The following ADGRG6 variants were observed in gnomAD, a reference collection of about 807,000 sequenced individuals.
ADGRG6 encodes the protein G-protein coupled receptor 126.
ADGRG6 carries 84 observed loss-of-function variants against 142.4 expected under a neutral mutation model. The observed-to-expected ratio is 0.59, with a 90% CI of 0.49 to 0.71. The LOEUF is 0.71. Ranked by LOEUF, ADGRG6 falls within the 30% of genes least tolerant of loss-of-function variation. The pLI, the probability that ADGRG6 is intolerant of heterozygous loss-of-function variation, is 0.00. For missense variants in ADGRG6, 1,367 were observed against 1,466.6 expected (o/e 0.93, Z 1.11); for synonymous variants, 521 against 520.5 (o/e 1.00, Z -0.01).
Position 142,445,120 on chromosome 6 carries a change from A to G in ADGRG6, c.*1605A>G, listed in dbSNP as rs895432757. On this transcript the variant is annotated 3_prime_UTR_variant, in exon 25 of 25. Transcript: ENST00000367609. Reference sequence around the variant, plus strand: ...AGGAAGCTATTTGCCTGGCTCCAGCAGATGATGAGATAATGAGGTAGTGGG... The same window carrying G: ...AGGAAGCTATTTGCCTGGCTCCAGCGGATGATGAGATAATGAGGTAGTGGG... 1 of 152,188 alleles carries G rather than the reference A, an allele frequency of 6.6e-6. No individual in the cohort carries two copies. The highest frequency in any genetic ancestry group is 1.5e-5 in the Non-Finnish European group (1 of 68,048). 9.4% of individuals were successfully genotyped at this position (152,188 alleles called of 1,614,324 possible). A position where few individuals can be genotyped will look rare whatever the true frequency, so the allele number is the denominator to read the frequency against.
Position 142,410,200 on chromosome 6 carries a change from C to T in ADGRG6, c.2434+281C>T, listed in dbSNP as rs1027358481. ...GACATCAGTTATTTATAAAATACAGCATACAATTTTATTGCTACTTTTGAT... is the reference window on the plus strand; with the variant it reads ...GACATCAGTTATTTATAAAATACAGTATACAATTTTATTGCTACTTTTGAT... On this transcript the variant is annotated intron_variant, in intron 17 of 24. Transcript: ENST00000367609. Among the ~76,000 whole-genome samples, 6 of 152,038 alleles carry T rather than the reference C, an allele frequency of 3.9e-5. No individual in the cohort carries two copies. The East Asian group carries it at 5.8e-4, about 15-fold the overall frequency.
chr6:142,440,846 A>G, intron 24 of ADGRG6: 5 of 824,534 alleles, frequency 6.1e-6, no homozygotes, highest in South Asian at 5.0e-5. Flanking sequence ...GCATATCATC[A>G]TGGATATCTA....
Position 142,418,525 on chromosome 6 carries a change from A to G in ADGRG6, c.3035+1156A>G, listed in dbSNP as rs191929922. Among the ~76,000 whole-genome samples the G allele has an allele frequency of 4.3e-3, 654 of 152,236 alleles. 3 individuals carry two copies. Among genetic ancestry groups the G allele is most frequent in the African/African-American group, 0.015 (621 of 41,558 alleles). Reference sequence around the variant, plus strand: ...GGACAAGCAACATTATTCCAGGGACATTTATAACAACATACATTAAAAGTA... The same window carrying G: ...GGACAAGCAACATTATTCCAGGGACGTTTATAACAACATACATTAAAAGTA... On this transcript the variant is annotated intron_variant, in intron 21 of 24. Coordinates refer to ENST00000367609, the MANE Select transcript of ADGRG6 (RefSeq NM_198569.3).
chr6:142,434,700 C>A (rs1487590284), intron 22 of ADGRG6, among the ~76,000 whole-genome samples: 1 of 152,002 alleles, frequency 6.6e-6, no homozygotes, highest in Non-Finnish European at 1.5e-5. Flanking sequence ...TGGCATTTTT[C>A]TGCAAGTCAA....
At chr6:142,441,693 C>T (rs1263686344) in intron 24 of ADGRG6, among the ~76,000 whole-genome samples, 3 of 152,120 alleles carry the variant, frequency 2.0e-5, no homozygotes, top group Non-Finnish European at 4.4e-5. Context: ...ATGTGGTTTT[C>T]TAAAAACACC....
intron 18 of ADGRG6, among the ~76,000 whole-genome samples, chr6:142,411,771 G>A (rs1026228499): frequency 1.3e-5 from 2 of 152,110 alleles, no homozygotes; most frequent in Non-Finnish European, 2.9e-5. Flanking sequence ...AGAAGAAAAT[G>A]TTGGGTGTTA....
intron 22 of ADGRG6, among the ~76,000 whole-genome samples, chr6:142,433,886 A>G (rs1777343021): frequency 6.6e-6 from 1 of 152,058 alleles, no homozygotes; most frequent in Admixed American, 6.6e-5. Flanking sequence ...TGAGACCCCC[A>G]CTTCTACAAA....
intron 1 of ADGRG6, among the ~76,000 whole-genome samples, chr6:142,306,816 C>T (rs982715374): frequency 6.6e-6 from 1 of 152,142 alleles, no homozygotes; most frequent in African/African-American, 2.4e-5. Flanking sequence ...TGAGAAAACA[C>T]ATAGTACTTT....
At chr6:142,430,386 C>T (rs1164075108) in intron 22 of ADGRG6, among the ~76,000 whole-genome samples, 1 of 152,138 alleles carries the variant, frequency 6.6e-6, no homozygotes, top group African/African-American at 2.4e-5. Context: ...TTTAGAGCAC[C>T]AAGTAAATGA....
chr6:142,357,204 T>C (rs1428286042), intron 2 of ADGRG6, among the ~76,000 whole-genome samples: 1 of 152,186 alleles, frequency 6.6e-6, no homozygotes, highest in East Asian at 1.9e-4. Context: ...ATTTTCAGAG[T>C]TTGCTGAAAA....
rs1338581584 is a variant in ADGRG6 at position 142,438,379 on chromosome 6, G to A, written c.3574+15G>A. 1 of 1,556,582 alleles carries A rather than the reference G, an allele frequency of 6.4e-7. No homozygotes were observed. Among genetic ancestry groups the A allele is most frequent in the Non-Finnish European group, 8.7e-7 (1 of 1,152,848 alleles). On this transcript the variant is annotated intron_variant, in intron 24 of 24. Coordinates refer to ENST00000367609, the MANE Select transcript of ADGRG6 (RefSeq NM_198569.3). Reference sequence around the variant, plus strand: ...TAGCCACACAGGTGAGTCTAAAGATGTCCTCAAGTTTAGTTCTCATCACAT... The same window carrying A: ...TAGCCACACAGGTGAGTCTAAAGATATCCTCAAGTTTAGTTCTCATCACAT...
At chr6:142,405,386 C>T in intron 14 of ADGRG6, 3 of 493,820 alleles carry the variant, frequency 6.1e-6, no homozygotes, top group South Asian at 4.6e-5. Context: ...TCAAAATCTG[C>T]TGCTGGTAAA....
chr6:142,386,927 A>T (rs1446215992), intron 6 of ADGRG6, among the ~76,000 whole-genome samples: 1 of 152,184 alleles, frequency 6.6e-6, no homozygotes, highest in Non-Finnish European at 1.5e-5. Flanking sequence ...ATGTGGGAAG[A>T]CACTGGAGGA....
chr6:142,392,376 CA>C (rs1490575931), intron 7 of ADGRG6, among the ~76,000 whole-genome samples: 1 of 151,770 alleles, frequency 6.6e-6, no homozygotes, highest in Non-Finnish European at 1.5e-5. Flanking sequence ...GCTAAATAAC[CA>C]CATAATAAAT....
At position 142,370,174 on chromosome 6, in the gene ADGRG6, C is replaced by T. The variant is rs756962124; in HGVS notation, c.450C>T (p.Ala150=). Reference sequence around the variant, plus strand: ...TCTTGTTATGTTTTGTCCTAGTTGCCGTGTCCTTAAGGAATCAAAAGGTCA... The same window carrying T: ...TCTTGTTATGTTTTGTCCTAGTTGCTGTGTCCTTAAGGAATCAAAAGGTCA... ...KGFNASYIRV[A]VSLRNQKVIL... Residue 150 remains alanine (A), a synonymous_variant, in exon 4 of 25, where the codon GCC becomes GCT. Transcript: ENST00000367609. 5.0e-6 allele frequency: 8 copies of T among 1,592,324 alleles called. No individual in the cohort carries two copies. The highest frequency in any genetic ancestry group is 4.5e-5 in the East Asian group (2 of 44,330).
At chr6:142,334,707 T>C (rs1779228728) in intron 2 of ADGRG6, among the ~76,000 whole-genome samples, 1 of 152,134 alleles carries the variant, frequency 6.6e-6, no homozygotes, top group South Asian at 2.1e-4. Flanking sequence ...AACCTGAAGG[T>C]CCCTTACCAA....
intron 14 of ADGRG6, chr6:142,405,383 C>G (rs772955663): frequency 2.9e-5 from 14 of 490,648 alleles, no homozygotes. Flanking sequence ...ACCTCAAAAT[C>G]TGCTGCTGGT....
At position 142,397,842 on chromosome 6, in the gene ADGRG6, C is replaced by T. The variant is rs184729292; in HGVS notation, c.1567+87C>T. On this transcript the variant is annotated intron_variant, in intron 10 of 24. Transcript: ENST00000367609. ...AACAACAGCAGAAATTTTCTTTATG[C>T]GCTATTTGTTTATGTAAGTTTTTTT... The T allele has an allele frequency of 4.3e-3, 3,495 of 816,144 alleles. 13 individuals are homozygous for T. The highest frequency in any genetic ancestry group is 5.7e-3 in the Non-Finnish European group (3,180 of 561,850). 50.6% of individuals were successfully genotyped at this position (816,144 alleles called of 1,614,324 possible).
intron 2 of ADGRG6, among the ~76,000 whole-genome samples, chr6:142,322,456 T>C (rs568671723): frequency 6.6e-6 from 1 of 152,046 alleles, no homozygotes; most frequent in Non-Finnish European, 1.5e-5. Context: ...TGCAAAGATA[T>C]AAACTTCGCT....
Sources: allele counts gnomAD v4.1 joint callset (sites outside exome capture counted in the v4.1 genomes callset), GRCh38; gene constraint gnomAD v4.1.1; transcripts MANE v1.5; gene names NCBI Gene and HGNC (gene_info 2026-07-23, HGNC 2026-07-21).